Variants in ARHGAP23 observed in about 807,000 individuals in gnomAD.
ARHGAP23 encodes the protein Rho GTPase activating protein 23.
A neutral mutation model predicts 136.3 loss-of-function variants in ARHGAP23; 34 were observed. The ratio of observed to expected loss-of-function variants is 0.25; its 90% CI spans 0.19 to 0.33. ARHGAP23 has a LOEUF of 0.33. Among genes scored for constraint, ARHGAP23 ranks in the 10% least tolerant of loss-of-function variants. The pLI is 1.00. For synonymous variants in ARHGAP23, 832 were observed against 920.5 expected (o/e 0.90, Z 1.74); for missense variants, 1,808 against 2,139.0 (o/e 0.85, Z 3.05).
Position 38,466,373 on chromosome 17 carries a change from C to T in ARHGAP23, c.690C>T (p.Leu230=), listed in dbSNP as rs1417300893. 1 of 1,537,282 alleles carries T rather than the reference C, an allele frequency of 6.5e-7. No homozygotes were observed. The highest frequency in any genetic ancestry group is 8.7e-7 in the Non-Finnish European group (1 of 1,143,318). The change falls in exon 7 of 24, where the codon CTC becomes CTT. Residue 230 remains leucine, a synonymous_variant. Coordinates refer to ENST00000622683, the MANE Select transcript of ARHGAP23 (RefSeq NM_001199417.2). ...RSPAAWSDPG[L]RVPPAARAHL... is the part of the protein sequence containing the mutation. ...CTGCTGCCTGGAGTGACCCGGGGCT[C>T]CGTGTGCCACCTGCTGCCCGTGCCC...
At chr17:38,419,416 C>T in intron 1 of ARHGAP23, 1 of 150,668 alleles carries the variant, frequency 6.6e-6, no homozygotes, top group Non-Finnish European at 1.5e-5. Context: ...GGGCGCCGGG[C>T]GTGGGTGCGC....
At chr17:38,503,817 A>G (rs1239795731) in intron 23 of ARHGAP23, among the ~76,000 whole-genome samples, 2 of 152,218 alleles carry the variant, frequency 1.3e-5, no homozygotes, top group African/African-American at 4.8e-5. Context: ...TCTTTACTGT[A>G]AACTGACTCA....
chr17:38,481,439 G>T (rs935662265), intron 14 of ARHGAP23, among the ~76,000 whole-genome samples: 3 of 151,914 alleles, frequency 2.0e-5, no homozygotes, highest in African/African-American at 7.3e-5. Flanking sequence ...AAGCCACCGC[G>T]CCCGGCCCAC....
Position 38,512,167 on chromosome 17 carries a change from T to C in ARHGAP23, c.*1195T>C, listed in dbSNP as rs543914426. On this transcript the variant is annotated 3_prime_UTR_variant, in exon 24 of 24. Coordinates refer to ENST00000622683, the MANE Select transcript of ARHGAP23 (RefSeq NM_001199417.2). ...ATTGTAAATATTGTCTCTAAATGTG[T>C]AACATATTATAAAGAATTTATAAGG... is the stretch of plus-strand genomic sequence containing the variant. 2.0e-5 allele frequency: 3 copies of C among 152,354 alleles called. No homozygotes were observed. In the South Asian group the frequency reaches 6.2e-4, roughly 32 times the overall value. The allele number at this position is 152,354 out of a possible 1,614,324, so 9.4% of individuals were successfully genotyped here.
intron 1 of ARHGAP23, chr17:38,450,503 G>T (rs1485022120): frequency 6.6e-6 from 1 of 152,096 alleles, no homozygotes; most frequent in Non-Finnish European, 1.5e-5. Context: ...TACCTCCCAG[G>T]CTCAGGTGAT....
chr17:38,501,974 T>C lies in ARHGAP23; in HGVS notation c.3447+1346T>C, dbSNP rs183504823. 1.8e-3 allele frequency among the ~76,000 whole-genome samples: 267 copies of C among 152,164 alleles called. 1 individual carries two copies. The highest frequency in any genetic ancestry group is 3.2e-3 in the Non-Finnish European group (216 of 67,990). Reference sequence around the variant, plus strand: ...TATTTAAATGTTATTTAAATAGTTATTTAAGAAATAATACCAATTCTCCAC... The same window carrying C: ...TATTTAAATGTTATTTAAATAGTTACTTAAGAAATAATACCAATTCTCCAC... On this transcript the variant is annotated intron_variant, in intron 23 of 23. Coordinates refer to ENST00000622683, the MANE Select transcript of ARHGAP23 (RefSeq NM_001199417.2).
At chr17:38,496,965 A>T (rs1399862792) in intron 20 of ARHGAP23, among the ~76,000 whole-genome samples, 1 of 151,974 alleles carries the variant, frequency 6.6e-6, no homozygotes, top group Non-Finnish European at 1.5e-5. Context: ...AAAAAAAAAA[A>T]AGAATAGCTT....
chr17:38,437,415 A>C (rs1216113395), intron 1 of ARHGAP23, among the ~76,000 whole-genome samples: 2 of 152,068 alleles, frequency 1.3e-5, no homozygotes, highest in Non-Finnish European at 2.9e-5. Context: ...CATGAACCAA[A>C]GATCAATTTG....
intron 21 of ARHGAP23, among the ~76,000 whole-genome samples, chr17:38,498,149 C>T (rs1399130308): frequency 4.6e-5 from 7 of 152,172 alleles, no homozygotes; most frequent in South Asian, 2.1e-4. Context: ...CAGTCTGGTG[C>T]GGGAGACACA....
chr17:38,474,302 C>A (rs2039837327), intron 11 of ARHGAP23, among the ~76,000 whole-genome samples: 1 of 152,212 alleles, frequency 6.6e-6, no homozygotes, highest in Non-Finnish European at 1.5e-5. Flanking sequence ...TCCCATTGCC[C>A]TTGTCCAGGT....
rs201541155 is a variant in ARHGAP23 at position 38,478,800 on chromosome 17, C to G, written c.2437-636C>G. 2.4e-4 allele frequency among the ~76,000 whole-genome samples: 36 copies of G among 152,254 alleles called. No homozygotes were observed. In the East Asian group the frequency reaches 6.4e-3, roughly 27 times the overall value. The stretch of plus-strand genomic sequence containing the variant: ...ATTCCTCCCTGTTTACTTCTTTGGC[C>G]AGGAACCTACACAGAAGTGCCTTGA... On this transcript the variant is annotated intron_variant, in intron 12 of 23. Coordinates refer to ENST00000622683, the MANE Select transcript of ARHGAP23 (RefSeq NM_001199417.2).
chr17:38,449,556 C>T (rs1038002714), intron 1 of ARHGAP23, among the ~76,000 whole-genome samples: 1 of 152,206 alleles, frequency 6.6e-6, no homozygotes, highest in African/African-American at 2.4e-5. Flanking sequence ...GGGCCGCCGC[C>T]CTTGACTGAG....
intron 16 of ARHGAP23, 100 bp from the exon 17 acceptor site, chr17:38,485,962 G>A: frequency 1.8e-6 from 2 of 1,115,678 alleles, no homozygotes; most frequent in Admixed American, 4.3e-5. Flanking sequence ...AGGTCCCAGG[G>A]AGGGCCTGGT....
upstream of ARHGAP23, among the ~76,000 whole-genome samples, chr17:38,426,436 G>A (rs2038570099): frequency 6.6e-6 from 1 of 151,442 alleles, no homozygotes; most frequent in Non-Finnish European, 1.5e-5. Flanking sequence ...TGTAATCCCA[G>A]CTACTTGGGA....
chr17:38,440,783 A>G (rs2038903298), intron 1 of ARHGAP23, among the ~76,000 whole-genome samples: 1 of 152,036 alleles, frequency 6.6e-6, no homozygotes, highest in Non-Finnish European at 1.5e-5. Flanking sequence ...CACCGGGATC[A>G]CTGATGAGGA....
At chr17:38,453,422 CGTGT>C (rs1161809844) in intron 1 of ARHGAP23, among the ~76,000 whole-genome samples, 9,661 of 116,494 alleles carry the variant, frequency 0.083, 402 homozygotes, top group Middle Eastern at 0.14. Context: ...CGTATGCGTG[CGTGT>C]GTGTGTGTGT....
chr17:38,437,910 G>C (rs1010861199), intron 1 of ARHGAP23, among the ~76,000 whole-genome samples: 4 of 152,286 alleles, frequency 2.6e-5, no homozygotes, highest in Middle Eastern at 3.4e-3. Context: ...TGAGTGGCGT[G>C]GGGGACCCCA....
intron 23 of ARHGAP23, among the ~76,000 whole-genome samples, chr17:38,502,385 C>T (rs571842219): frequency 3.6e-4 from 55 of 152,232 alleles, no homozygotes; most frequent in Non-Finnish European, 6.2e-4. Flanking sequence ...GATACCAAAA[C>T]CTAACAATGC....
chr17:38,498,875 T>C (rs945934408), intron 22 of ARHGAP23: 33 of 695,896 alleles, frequency 4.7e-5, no homozygotes, highest in East Asian at 1.1e-4. Flanking sequence ...CTCCCTCCTC[T>C]TCTCCCCGTG....
Sources: allele counts gnomAD v4.1 joint callset (sites outside exome capture counted in the v4.1 genomes callset), GRCh38; gene constraint gnomAD v4.1.1; transcripts MANE v1.5; gene names NCBI Gene and HGNC (gene_info 2026-07-23, HGNC 2026-07-21).